Variants in GRIP1 observed in about 807,000 individuals in gnomAD.
GRIP1 encodes glutamate receptor-interacting protein 1.
Under a neutral mutation model 129.9 loss-of-function variants are expected in GRIP1, and 45 were observed. That is an observed-to-expected ratio of 0.35 (90% CI 0.27 to 0.44). GRIP1 has a LOEUF of 0.44. Ranked by LOEUF, GRIP1 falls within the 20% of genes least tolerant of loss-of-function variation. The pLI is 1.00. For synonymous variants in GRIP1, 530 were observed against 520.8 expected, an observed-to-expected ratio of 1.02 and a Z score of -0.24; for missense variants, 1,196 against 1,396.8, an observed-to-expected ratio of 0.86 and a Z score of 2.29.
intron 2 of GRIP1, among the ~76,000 whole-genome samples, chr12:66,587,624 T>C (rs2063690382): frequency 6.6e-6 from 1 of 152,118 alleles, no homozygotes; most frequent in Admixed American, 6.6e-5. Flanking sequence ...TAATTACATG[T>C]TGAATGAATG....
At chr12:66,974,289 T>C (rs1235500657) in intron 1 of GRIP1, among the ~76,000 whole-genome samples, 2 of 152,172 alleles carry the variant, frequency 1.3e-5, no homozygotes, top group South Asian at 2.1e-4. Flanking sequence ...CCCCACTCCA[T>C]ACACATACAT....
chr12:66,349,668 G>C (rs993956191), intron 24 of GRIP1, among the ~76,000 whole-genome samples: 3 of 152,120 alleles, frequency 2.0e-5, no homozygotes, highest in African/African-American at 7.2e-5. Context: ...TCTGAATCAC[G>C]ATGCTGAACT....
chr12:66,873,584 A>T (rs1373927835), intron 1 of GRIP1, among the ~76,000 whole-genome samples: 1 of 152,038 alleles, frequency 6.6e-6, no homozygotes, highest in Non-Finnish European at 1.5e-5. Flanking sequence ...TTGACTATGG[A>T]ATACTCATCT....
At chr12:66,465,021 T>C (rs904053407) in intron 8 of GRIP1, among the ~76,000 whole-genome samples, 1 of 151,010 alleles carries the variant, frequency 6.6e-6, no homozygotes, top group African/African-American at 2.4e-5. Context: ...TTCAGCTCAC[T>C]GCAACCTCTG....
intron 13 of GRIP1, among the ~76,000 whole-genome samples, chr12:66,434,608 G>A (rs1463373053): frequency 6.6e-6 from 1 of 152,208 alleles, no homozygotes; most frequent in Non-Finnish European, 1.5e-5. Flanking sequence ...TTTACTTCCT[G>A]ACTTCAGGAG....
At chr12:67,021,620 C>T (rs2042868394) in intron 1 of GRIP1, among the ~76,000 whole-genome samples, 1 of 152,144 alleles carries the variant, frequency 6.6e-6, no homozygotes, top group African/African-American at 2.4e-5. Context: ...ATCTCAAACA[C>T]TTATCATTTT....
intron 2 of GRIP1, among the ~76,000 whole-genome samples, chr12:66,589,691 C>T (rs1239631521): frequency 1.3e-5 from 2 of 151,952 alleles, no homozygotes. Context: ...AGAAGTATAC[C>T]AATTTAAACT....
intron 15 of GRIP1, among the ~76,000 whole-genome samples, chr12:66,408,701 AGTAGG>A (rs936480150): frequency 6.6e-6 from 1 of 152,118 alleles, no homozygotes; most frequent in Non-Finnish European, 1.5e-5. Flanking sequence ...GCTCTGCAAC[AGTAGG>A]GTAGAGTACC....
Position 66,527,982 on chromosome 12 carries a change from G to GA in GRIP1, c.502+1848dup, listed in dbSNP as rs531422163. ...TTGAACCTAAGATAGAAGTTGGAAA[G>GA]AAAAAAAATCCCTGATGTTTATATA... On this transcript the variant is annotated intron_variant, in intron 5 of 24. Coordinates refer to ENST00000359742, the MANE Select transcript of GRIP1 (RefSeq NM_001366722.1). 8.6e-5 allele frequency among the ~76,000 whole-genome samples: 13 copies of GA among 151,678 alleles called. No homozygotes were observed. In the South Asian group the frequency reaches 1.7e-3, roughly 19 times the overall value.
chr12:66,952,281 C>G (rs534408900), intron 1 of GRIP1, among the ~76,000 whole-genome samples: 115 of 152,084 alleles, frequency 7.6e-4, no homozygotes, highest in African/African-American at 2.7e-3. Flanking sequence ...GAGTGGCCAT[C>G]AGATAGAATG....
intron 7 of GRIP1, among the ~76,000 whole-genome samples, chr12:66,479,474 C>T (rs1168475127): frequency 8.5e-5 from 13 of 152,084 alleles, no homozygotes; most frequent in Admixed American, 5.2e-4. Context: ...GATTCACAGC[C>T]GAATTCTATT....
intron 1 of GRIP1, among the ~76,000 whole-genome samples, chr12:66,697,134 G>T (rs2035193677): frequency 6.6e-6 from 1 of 152,156 alleles, no homozygotes; most frequent in Non-Finnish European, 1.5e-5. Context: ...TGTATTAATG[G>T]ATAGAGGAAT....
intron 2 of GRIP1, among the ~76,000 whole-genome samples, chr12:66,548,508 G>A (rs1437854725): frequency 6.6e-6 from 1 of 152,218 alleles, no homozygotes; most frequent in Non-Finnish European, 1.5e-5. Flanking sequence ...AGAGACCCAT[G>A]CAATGGGGGT....
intron 7 of GRIP1, among the ~76,000 whole-genome samples, chr12:66,473,850 G>A (rs1475851076): frequency 6.6e-6 from 1 of 152,122 alleles, no homozygotes; most frequent in Non-Finnish European, 1.5e-5. Context: ...AAGACCAAAG[G>A]TAGATAAATC....
intron 7 of GRIP1, among the ~76,000 whole-genome samples, chr12:66,489,983 C>T (rs1213349671): frequency 6.6e-6 from 1 of 151,988 alleles, no homozygotes; most frequent in Non-Finnish European, 1.5e-5. Flanking sequence ...TCAGAGAGGA[C>T]ATAAACAAAT....
chr12:66,625,404 C>G lies in GRIP1; in HGVS notation c.56-28477G>C, dbSNP rs572463586. On this transcript the variant is annotated intron_variant, in intron 1 of 24. Coordinates refer to ENST00000359742, the MANE Select transcript of GRIP1 (RefSeq NM_001366722.1). ...CCATATGAATAGATGACCAGTAGATCTTATAACACATTTTTCTGAGAATTT... is the reference window on the plus strand; with the variant it reads ...CCATATGAATAGATGACCAGTAGATGTTATAACACATTTTTCTGAGAATTT... Among the ~76,000 whole-genome samples, 45 of 152,192 alleles carry G rather than the reference C, an allele frequency of 3.0e-4. 1 individual carries two copies. Among genetic ancestry groups the G allele is most frequent in the African/African-American group, 1.0e-3 (42 of 41,528 alleles).
At chr12:66,494,012 A>G (rs2060172998) in intron 7 of GRIP1, among the ~76,000 whole-genome samples, 1 of 152,190 alleles carries the variant, frequency 6.6e-6, no homozygotes, top group African/African-American at 2.4e-5. Flanking sequence ...AGGCAGGAGG[A>G]TTCCAGGAAA....
chr12:66,590,909 C>CT (rs948978243), intron 2 of GRIP1, among the ~76,000 whole-genome samples: 2 of 152,018 alleles, frequency 1.3e-5, no homozygotes, highest in African/African-American at 4.8e-5. Context: ...ACTTGTTGCA[C>CT]TTTTTTTTGT....
rs182566270 is a variant in GRIP1 at position 66,712,201 on chromosome 12, T to C, written c.-419-81865A>G. 2.9e-3 allele frequency among the ~76,000 whole-genome samples: 442 copies of C among 152,070 alleles called. 1 individual carries two copies. Among genetic ancestry groups the C allele is most frequent in the African/African-American group, 0.01 (424 of 41,526 alleles). On this transcript the variant is annotated intron_variant, in intron 1 of 4. Transcript: ENST00000538373. ...CCAGATTTTAAGTTAAGCTTGGTATTTACCAACTGGAAAATATTTTATATT... is the reference window on the plus strand; with the variant it reads ...CCAGATTTTAAGTTAAGCTTGGTATCTACCAACTGGAAAATATTTTATATT...
Sources: gnomAD v4.1 joint callset for allele counts (sites outside exome capture counted in the v4.1 genomes callset) on GRCh38, gnomAD v4.1.1 for gene constraint, MANE v1.5 for transcripts, NCBI Gene and HGNC (gene_info 2026-07-23, HGNC 2026-07-21) for gene names.